GRIA3: variants seen among roughly 807,000 people sequenced by gnomAD.
GRIA3 encodes the protein glutamate receptor 3.
GRIA3 carries 3 observed loss-of-function variants against 63.0 expected under a neutral mutation model. That is an observed-to-expected ratio of 0.05 (90% confidence interval 0.02 to 0.12). GRIA3 has a LOEUF of 0.12. GRIA3 is among the 10% of genes least tolerant of loss of function. The pLI is 1.00. For missense variants in GRIA3, 347 were observed against 700.9 expected (o/e 0.50, Z 5.70); for synonymous variants, 274 against 257.9 (o/e 1.06, Z -0.60).
In GRIA3 at chrX:123,417,545, G is replaced by C. The variant is rs1313942976; in HGVS notation, c.1644G>C (p.Leu548=). The C allele has an allele frequency of 8.3e-7, 1 of 1,207,781 alleles. No homozygotes were observed. Among genetic ancestry groups the C allele is most frequent in the African/African-American group, 1.8e-5 (1 of 56,959 alleles). Reference sequence around the variant, plus strand: ...CAAAACCAGGCGTATTCTCATTTCTGGATCCCCTGGCTTATGAAATCTGGA... The same window carrying C: ...CAAAACCAGGCGTATTCTCATTTCTCGATCCCCTGGCTTATGAAATCTGGA... ...QKSKPGVFSF[L]DPLAYEIWMC... Residue 548 remains leucine, a synonymous_variant, in exon 11 of 16, where the codon CTG becomes CTC. Coordinates refer to ENST00000620443, the MANE Select transcript of GRIA3 (RefSeq NM_007325.5).
intron 3 of GRIA3, among the ~76,000 whole-genome samples, chrX:123,289,613 C>T (rs990512941): frequency 3.7e-5 from 4 of 109,133 alleles, no homozygotes; most frequent in Non-Finnish European, 5.7e-5. Context: ...AGAATTTTCC[C>T]AATATTCGGT....
chrX:123,297,900 C>T (rs890844014), intron 3 of GRIA3, among the ~76,000 whole-genome samples: 11 of 109,489 alleles, frequency 1.0e-4, no homozygotes, highest in Non-Finnish European at 1.3e-4. Context: ...GAGAGGCCCC[C>T]GTATGTGTTT....
At chrX:123,415,140 G>C (rs1386716918) in intron 10 of GRIA3, among the ~76,000 whole-genome samples, 1 of 111,832 alleles carries the variant, frequency 8.9e-6, no homozygotes, top group Non-Finnish European at 1.9e-5. Context: ...GTATCTCATT[G>C]TGGTTTTGAT....
chrX:123,369,471 G>A (rs1386773630), intron 5 of GRIA3, among the ~76,000 whole-genome samples: 1 of 111,870 alleles, frequency 8.9e-6, no homozygotes, highest in Non-Finnish European at 1.9e-5. Context: ...TCGAAGATTC[G>A]CTGGCCAGCT....
chrX:123,485,104 A>G (rs2045934138), intron 15 of GRIA3, among the ~76,000 whole-genome samples: 1 of 112,702 alleles, frequency 8.9e-6, no homozygotes, highest in South Asian at 3.7e-4. Flanking sequence ...TAGGCCCATT[A>G]CAATTTGGGG....
At chrX:123,259,514 C>CGT (rs397952526) in intron 3 of GRIA3, among the ~76,000 whole-genome samples, 1 of 107,219 alleles carries the variant, frequency 9.3e-6, no homozygotes, top group African/African-American at 3.4e-5. Context: ...CATGCGCGCG[C>CGT]ACACACACAC....
intron 3 of GRIA3, among the ~76,000 whole-genome samples, chrX:123,291,219 GA>G (rs780384315): frequency 3.6e-5 from 4 of 111,524 alleles, no homozygotes; most frequent in Non-Finnish European, 7.6e-5. Flanking sequence ...GCCAGGAACT[GA>G]AAAGCCTTGA....
chrX:123,223,648 T>C (rs1301242724), intron 2 of GRIA3, among the ~76,000 whole-genome samples: 1 of 111,828 alleles, frequency 8.9e-6, no homozygotes, highest in Non-Finnish European at 1.9e-5. Context: ...ATGATGGTTT[T>C]CTAGAAGCAC....
Position 123,207,171 on chromosome X carries a change from A to C in GRIA3, c.268+21181A>C, listed in dbSNP as rs1170875270. On this transcript the variant is annotated intron_variant, in intron 2 of 15. Transcript: ENST00000620443. ...ACCTCAGTATTATAATTTGCAAAAA[A>C]AAAAAAAAATCTATGAACCAAAAGA... is the stretch of plus-strand genomic sequence containing the variant. Among the ~76,000 whole-genome samples the C allele has an allele frequency of 2.7e-5, 3 of 111,262 alleles. No homozygotes were observed. The Admixed American group carries it at 2.9e-4, about 11-fold the overall frequency.
intron 3 of GRIA3, 148 bp from the exon 4 acceptor site, chrX:123,325,878 G>C (rs906568800): frequency 4.5e-5 from 23 of 515,908 alleles, no homozygotes; most frequent in Non-Finnish European, 7.4e-5. Context: ...ACTGTCTGGA[G>C]GGTTAAGGCT....
intron 5 of GRIA3, among the ~76,000 whole-genome samples, chrX:123,384,414 C>G (rs1044637242): frequency 2.7e-5 from 3 of 111,908 alleles, no homozygotes; most frequent in African/African-American, 9.8e-5. Context: ...CACCTGAGGT[C>G]GGGAGTTCGA....
At chrX:123,278,520 T>C (rs955308056) in intron 3 of GRIA3, among the ~76,000 whole-genome samples, 1 of 112,328 alleles carries the variant, frequency 8.9e-6, no homozygotes, top group Non-Finnish European at 1.9e-5. Context: ...CTGAAGTGTT[T>C]CCCCTGTGTT....
intron 5 of GRIA3, among the ~76,000 whole-genome samples, chrX:123,372,302 A>T (rs1409678757): frequency 8.9e-6 from 1 of 111,951 alleles, no homozygotes; most frequent in Non-Finnish European, 1.9e-5. Context: ...GAAGTCAGGC[A>T]ATGTGATTCC....
At chrX:123,287,838 G>A (rs1431982606) in intron 3 of GRIA3, among the ~76,000 whole-genome samples, 2 of 111,692 alleles carry the variant, frequency 1.8e-5, no homozygotes, top group East Asian at 5.6e-4. Flanking sequence ...TGGCCATATT[G>A]CCCAAAGTAA....
chrX:123,201,933 T>C (rs888280162), intron 2 of GRIA3, among the ~76,000 whole-genome samples: 17 of 112,103 alleles, frequency 1.5e-4, no homozygotes, highest in African/African-American at 5.5e-4. Context: ...GGGATTGCTG[T>C]CATCCCCGGC....
chrX:123,453,333 T>G (rs897104644), intron 12 of GRIA3, among the ~76,000 whole-genome samples: 1 of 109,654 alleles, frequency 9.1e-6, no homozygotes, highest in African/African-American at 3.3e-5. Context: ...TAGATGGGAA[T>G]TGAACAAAGA....
At chrX:123,450,954 G>A (rs919802943) in intron 12 of GRIA3, among the ~76,000 whole-genome samples, 2 of 112,054 alleles carry the variant, frequency 1.8e-5, no homozygotes, top group African/African-American at 3.2e-5. Context: ...GCCCTGACAT[G>A]GGAATACACT....
chrX:123,423,771 TA>T (rs1352295661), intron 11 of GRIA3, among the ~76,000 whole-genome samples: 1 of 112,314 alleles, frequency 8.9e-6, no homozygotes, highest in Non-Finnish European at 1.9e-5. Context: ...GTAAAGCTAG[TA>T]AAGTGAAGAT....
At chrX:123,264,598 A>G (rs989859401) in intron 3 of GRIA3, among the ~76,000 whole-genome samples, 38 of 111,983 alleles carry the variant, frequency 3.4e-4, no homozygotes, top group African/African-American at 1.2e-3. Context: ...CAGACAGGAG[A>G]ACTATATTGA....
Sources: gnomAD v4.1 joint callset for allele counts (sites outside exome capture counted in the v4.1 genomes callset) on GRCh38, gnomAD v4.1.1 for gene constraint, MANE v1.5 for transcripts, NCBI Gene and HGNC (gene_info 2026-07-23, HGNC 2026-07-21) for gene names.